The following SNX3 variants were observed in gnomAD, a reference collection of about 807,000 sequenced individuals.
SNX3 encodes the protein sorting nexin 3, also known as sorting nexin-3.
In SNX3, 5 loss-of-function variants were observed where a neutral mutation model predicts 17.7. The observed-to-expected ratio is 0.28, with a 90% CI of 0.15 to 0.59. The LOEUF is 0.59. Ranked by LOEUF, SNX3 falls within the 20% of genes least tolerant of loss-of-function variation. The probability of loss-of-function intolerance (pLI) is 0.88; values close to 1 mark genes in which losing one functional copy is unlikely to be tolerated. For synonymous variants in SNX3, 91 were observed against 76.5 expected (o/e 1.19, Z -0.99); for missense variants, 132 against 206.8 (o/e 0.64, Z 2.22).
At chr6:108,257,550 G>A (rs1438504934) in intron 1 of SNX3, among the ~76,000 whole-genome samples, 1 of 152,100 alleles carries the variant, frequency 6.6e-6, no homozygotes, top group Non-Finnish European at 1.5e-5. Flanking sequence ...AACTATTCAT[G>A]TCATAGCCAC....
In SNX3 at chr6:108,214,513, TC is replaced by T. The variant is rs1395017749; in HGVS notation, c.367del (p.Glu123SerfsTer4). 6.2e-7 allele frequency: 1 copy of T among 1,613,796 alleles called. No homozygotes were observed. Among genetic ancestry groups the T allele is most frequent in the South Asian group, 1.1e-5 (1 of 90,970 alleles). On this transcript the variant is annotated frameshift_variant, in exon 3 of 4. Transcript: ENST00000230085. LOFTEE classifies it high-confidence loss of function. Reference sequence around the variant, plus strand: ...AAGCACTTACTTGTTTATAAACTGCTCCAGCCCTTGTTTTCTTTCCTCAATA... The same window carrying T: ...AAGCACTTACTTGTTTATAAACTGCTCAGCCCTTGTTTTCTTTCCTCAATA... ...NFIEERKQGL[E>X]QFINKVAGHP...
At chr6:108,259,921 G>A (rs1776139210) in intron 1 of SNX3, among the ~76,000 whole-genome samples, 2 of 152,032 alleles carry the variant, frequency 1.3e-5, no homozygotes, top group South Asian at 4.1e-4. Context: ...CCATACATGG[G>A]CAAATTCTTT....
At chr6:108,234,318 C>T (rs549102580) in intron 1 of SNX3, among the ~76,000 whole-genome samples, 2 of 151,740 alleles carry the variant, frequency 1.3e-5, no homozygotes, top group East Asian at 1.9e-4. Flanking sequence ...TTTGGGAGGC[C>T]GAGGCGGGTG....
intron 1 of SNX3, among the ~76,000 whole-genome samples, chr6:108,250,679 CCT>C (rs1775826379): frequency 6.6e-6 from 1 of 152,284 alleles, no homozygotes; most frequent in African/African-American, 2.4e-5. Flanking sequence ...CTTTGAGACT[CCT>C]CTGTTTCTCA....
At chr6:108,226,069 A>T (rs926450735) in intron 1 of SNX3, among the ~76,000 whole-genome samples, 5 of 147,356 alleles carry the variant, frequency 3.4e-5, no homozygotes, top group Non-Finnish European at 7.5e-5. Flanking sequence ...AAAAAAAAAA[A>T]GGAGAAGAAA....
chr6:108,256,473 C>A (rs2114773037), intron 1 of SNX3, among the ~76,000 whole-genome samples: 2 of 152,268 alleles, frequency 1.3e-5, no homozygotes, highest in Admixed American at 1.3e-4. Flanking sequence ...TTATTATGTG[C>A]CAGGCACTGT....
At chr6:108,230,920 A>T (rs1775125314) in intron 1 of SNX3, among the ~76,000 whole-genome samples, 1 of 152,208 alleles carries the variant, frequency 6.6e-6, no homozygotes, top group Non-Finnish European at 1.5e-5. Flanking sequence ...TATTTGCCAA[A>T]TGCTAGTTAA....
chr6:108,259,283 G>T (rs923418165), intron 1 of SNX3, among the ~76,000 whole-genome samples: 2 of 152,124 alleles, frequency 1.3e-5, no homozygotes, highest in East Asian at 3.8e-4. Flanking sequence ...GCCCAGGCTG[G>T]AGTGCAATGG....
intron 1 of SNX3, 146 bp from the exon 2 acceptor site, chr6:108,223,191 T>A: frequency 1.7e-6 from 1 of 589,434 alleles, no homozygotes; most frequent in Non-Finnish European, 3.0e-6. Context: ...TAGGCTGGAG[T>A]GCAATGGCAC....
At chr6:108,223,756 C>A (rs1774889643) in intron 1 of SNX3, among the ~76,000 whole-genome samples, 1 of 152,122 alleles carries the variant, frequency 6.6e-6, no homozygotes, top group African/African-American at 2.4e-5. Flanking sequence ...GCTGCCTCGG[C>A]CTCCCAAAAT....
At chr6:108,246,536 G>T (rs1465845723) in intron 1 of SNX3, among the ~76,000 whole-genome samples, 3 of 150,902 alleles carry the variant, frequency 2.0e-5, no homozygotes, top group Non-Finnish European at 3.0e-5. Flanking sequence ...CACCATGTTG[G>T]ACAGGCTGGT....
chr6:108,243,674 T>C (rs1448048899), intron 1 of SNX3, among the ~76,000 whole-genome samples: 1 of 152,184 alleles, frequency 6.6e-6, no homozygotes, highest in Non-Finnish European at 1.5e-5. Context: ...CTGACACCTG[T>C]AATCCCAGCA....
chr6:108,221,454 T>A lies in SNX3; in HGVS notation c.258+1496A>T, dbSNP rs115841382. ...CTAGAACACAAAGGACGAGCTAAAA[T>A]GTTTATAAAATAAAAAAATCTTCAA... On this transcript the variant is annotated intron_variant, in intron 2 of 3. Transcript: ENST00000230085. Among the ~76,000 whole-genome samples, 715 of 151,058 alleles carry A rather than the reference T, an allele frequency of 4.7e-3. 8 individuals carry two copies. Among genetic ancestry groups the A allele is most frequent in the African/African-American group, 0.016 (650 of 41,224 alleles).
At chr6:108,246,731 TAG>T (rs1491045607) in intron 1 of SNX3, among the ~76,000 whole-genome samples, 5 of 152,024 alleles carry the variant, frequency 3.3e-5, no homozygotes, top group African/African-American at 1.2e-4. Flanking sequence ...TCATCAGAGA[TAG>T]AGTTTGCTGT....
At chr6:108,256,140 A>G (rs1167138419) in intron 1 of SNX3, among the ~76,000 whole-genome samples, 1 of 152,068 alleles carries the variant, frequency 6.6e-6, no homozygotes, top group African/African-American at 2.4e-5. Context: ...TGAGGTTGGG[A>G]GGATCACTTG....
chr6:108,223,494 G>GTTTTTT (rs1562422738), intron 1 of SNX3, among the ~76,000 whole-genome samples: 8 of 99,328 alleles, frequency 8.1e-5, no homozygotes, highest in African/African-American at 4.0e-4. Flanking sequence ...AACTTTGCTA[G>GTTTTTT]TTCTTTTTTT....
At chr6:108,232,776 G>C (rs1479608324) in intron 1 of SNX3, among the ~76,000 whole-genome samples, 4 of 152,114 alleles carry the variant, frequency 2.6e-5, no homozygotes, top group Non-Finnish European at 5.9e-5. Flanking sequence ...TCTACATCTA[G>C]AGATAAAAGA....
intron 1 of SNX3, among the ~76,000 whole-genome samples, chr6:108,259,474 C>A (rs150171667): frequency 4.6e-5 from 7 of 152,170 alleles, no homozygotes; most frequent in Non-Finnish European, 5.9e-5. Flanking sequence ...CTCGGTGATC[C>A]GCCCAGCTCG....
At chr6:108,242,017 G>A (rs965557819) in intron 1 of SNX3, among the ~76,000 whole-genome samples, 4 of 152,116 alleles carry the variant, frequency 2.6e-5, no homozygotes, top group African/African-American at 9.7e-5. Context: ...ACACTGAATT[G>A]GACCTCTACA....
Sources: allele counts gnomAD v4.1 joint callset (sites outside exome capture counted in the v4.1 genomes callset), GRCh38; gene constraint gnomAD v4.1.1; transcripts MANE v1.5; gene names NCBI Gene and HGNC (gene_info 2026-07-23, HGNC 2026-07-21).